The following ZBP1 variants were observed in gnomAD, a reference collection of about 807,000 sequenced individuals.
ZBP1 encodes the protein Z-DNA-binding protein 1.
ZBP1 carries 42 observed loss-of-function variants against 41.1 expected under a neutral mutation model. That is an observed-to-expected ratio of 1.02 (90% CI 0.80 to 1.32). The LOEUF (loss-of-function observed/expected upper bound fraction) is 1.32. ZBP1 is among the 40% of genes most tolerant of loss of function. The pLI is 0.00. For synonymous variants in ZBP1, 214 were observed against 205.2 expected (o/e 1.04, Z -0.37); for missense variants, 562 against 549.7 (o/e 1.02, Z -0.22).
In ZBP1 at chr20:57,611,822, A is replaced by G. The variant is rs1350845294; in HGVS notation, c.779T>C (p.Ile260Thr). ...GPQDIHMEQS[I>T]LRRVQLGHSN... is the part of the protein sequence containing the mutation. ...GTGTCCCAGCTGCACCCGTCTCAGTATGGACTGCTCCATGTGGATGTCCTG... is the reference window on the plus strand; with the variant it reads ...GTGTCCCAGCTGCACCCGTCTCAGTGTGGACTGCTCCATGTGGATGTCCTG... Residue 260 changes from isoleucine (I) to threonine (T), a missense_variant, in exon 6 of 8, where the codon ATA becomes ACA. Transcript: ENST00000371173. 1 of 1,610,306 alleles carries G rather than the reference A, an allele frequency of 6.2e-7. No homozygotes were observed. Among genetic ancestry groups the G allele is most frequent in the African/African-American group, 1.3e-5 (1 of 74,876 alleles).
intron 3 of ZBP1, 118 bp downstream of exon 3, chr20:57,615,394 G>C (rs1326014068): frequency 1.8e-6 from 2 of 1,093,420 alleles, no homozygotes; most frequent in Non-Finnish European, 1.4e-6. Context: ...GGAGCTGCCT[G>C]GTGGGTGGGA....
In ZBP1 at chr20:57,610,151, G is replaced by A; in HGVS notation, c.1091C>T (p.Ala364Val). Residue 364 changes from alanine to valine, a missense_variant and splice_region_variant, in exon 7 of 8, where the codon GCA becomes GTA. Coordinates refer to ENST00000371173, the MANE Select transcript of ZBP1 (RefSeq NM_030776.3). This position sits in a 1 kb window ranked among gnomAD's most constrained non-coding sequence, Gnocchi z 5.5. ...GSGEGEPGED[A>V]GRRPADTQSR... Reference sequence around the variant, plus strand: ...GTCCACTCTGCCCCCTAGCTCACCTGCGTCCTCCCCTGGCTCCCCCTCTCC... The same window carrying A: ...GTCCACTCTGCCCCCTAGCTCACCTACGTCCTCCCCTGGCTCCCCCTCTCC... 1.2e-6 allele frequency: 2 copies of A among 1,613,410 alleles called. No homozygotes were observed. The highest frequency in any genetic ancestry group is 1.7e-6 in the Non-Finnish European group (2 of 1,179,802).
chr20:57,606,933 AC>A (rs2070512566), intron 7 of ZBP1: 3 of 1,145,498 alleles, frequency 2.6e-6, no homozygotes, highest in Non-Finnish European at 3.3e-6. Context: ...CTACTCGTTG[AC>A]AATGCACCTG....
chr20:57,610,467 A>G lies in ZBP1; in HGVS notation c.875-100T>C. 1 of 1,286,120 alleles carries G rather than the reference A, an allele frequency of 7.8e-7. No homozygotes were observed. The highest frequency in any genetic ancestry group is 1.1e-6 in the Non-Finnish European group (1 of 906,714). 79.7% of individuals were successfully genotyped at this position (1,286,120 alleles called of 1,614,324 possible). A position where few individuals can be genotyped will look rare whatever the true frequency, so the allele number is the denominator to read the frequency against. On this transcript the variant is annotated intron_variant, in intron 6 of 7. Transcript: ENST00000371173. This position sits in a 1 kb window ranked among gnomAD's most constrained non-coding sequence, Gnocchi z 5.5. Reference sequence around the variant, plus strand: ...GTTCACCCTCCTCCCCAGATCTCCCACCAGTGGCCCACACCATCCCAGGAG... The same window carrying G: ...GTTCACCCTCCTCCCCAGATCTCCCGCCAGTGGCCCACACCATCCCAGGAG...
At chr20:57,620,202 A>G (rs931325698) in intron 1 of ZBP1, 60 bp downstream of exon 1, 3 of 1,537,976 alleles carry the variant, frequency 2.0e-6, no homozygotes, top group Non-Finnish European at 2.6e-6. Context: ...AGGAGGAAAG[A>G]GAAGTAGAAA....
intron 7 of ZBP1, among the ~76,000 whole-genome samples, chr20:57,609,734 C>T (rs1330765274): frequency 2.0e-5 from 3 of 152,130 alleles, no homozygotes; most frequent in African/African-American, 4.8e-5. Context: ...ACCTTATTTG[C>T]ATGGCAACCC....
intron 7 of ZBP1, among the ~76,000 whole-genome samples, chr20:57,609,725 C>A (rs1340217459): frequency 6.6e-6 from 1 of 152,120 alleles, no homozygotes. Context: ...TGATGCAGAA[C>A]CTTATTTGCA....
intron 3 of ZBP1, 44 bp from the exon 4 acceptor site, chr20:57,615,104 T>C: frequency 1.9e-6 from 3 of 1,604,432 alleles, no homozygotes; most frequent in Non-Finnish European, 2.6e-6. Context: ...AGTCCTAGGG[T>C]TTGCATCTGC....
chr20:57,610,797 T>C lies in ZBP1; in HGVS notation c.875-430A>G. 3.8e-6 allele frequency: 1 copy of C among 260,576 alleles called. No individual in the cohort carries two copies. The highest frequency in any genetic ancestry group is 4.4e-5 in the South Asian group (1 of 22,658). 16.1% of individuals were successfully genotyped at this position (260,576 alleles called of 1,614,324 possible). ...TCCCACCCAAACTTCTGAAGAATCA[T>C]CCACACTGAGTCCCGCCCCCTCCAC... On this transcript the variant is annotated intron_variant, in intron 6 of 7. Coordinates refer to ENST00000371173, the MANE Select transcript of ZBP1 (RefSeq NM_030776.3). The surrounding 1 kb of genome is among the most constrained non-coding windows in gnomAD (Gnocchi z 5.5).
In ZBP1 at chr20:57,610,090, G is replaced by A. The variant is rs1479037222; in HGVS notation, c.1093+59C>T. 1.3e-6 allele frequency: 2 copies of A among 1,509,704 alleles called. No individual in the cohort carries two copies. Among genetic ancestry groups the A allele is most frequent in the Non-Finnish European group, 1.8e-6 (2 of 1,090,992 alleles). 93.5% of individuals were successfully genotyped at this position (1,509,704 alleles called of 1,614,324 possible). A position where few individuals can be genotyped will look rare whatever the true frequency, so the allele number is the denominator to read the frequency against. ...GATCGATGAGAGTGAATGAATGAAT[G>A]AGTGGAAGGTGGGGAGAGAGAGAGA... On this transcript the variant is annotated intron_variant, in intron 7 of 7. Coordinates refer to ENST00000371173, the MANE Select transcript of ZBP1 (RefSeq NM_030776.3). The surrounding 1 kb of genome is among the most constrained non-coding windows in gnomAD (Gnocchi z 5.5).
chr20:57,616,593 G>C (rs2070839593), intron 1 of ZBP1, 125 bp from the exon 2 acceptor site: 1 of 935,416 alleles, frequency 1.1e-6, no homozygotes, highest in Admixed American at 2.4e-5. Context: ...GCAGAGGAAA[G>C]GGCAAGGACC....
intron 5 of ZBP1, 70 bp from the exon 6 acceptor site, chr20:57,612,000 C>G (rs978156206): frequency 1.4e-6 from 2 of 1,471,294 alleles, no homozygotes; most frequent in East Asian, 2.5e-5. Context: ...CACCACCACA[C>G]GCAGGCCTGT....
intron 1 of ZBP1, 81 bp from the exon 2 acceptor site, chr20:57,616,549 A>AG (rs1255131828): frequency 6.8e-7 from 1 of 1,467,718 alleles, no homozygotes; most frequent in East Asian, 2.3e-5. Context: ...AGGCTCCAGG[A>AG]GGCACGTAGG....
Position 57,616,262 on chromosome 20 carries a change from G to A in ZBP1, c.241C>T (p.Leu81=), listed in dbSNP as rs1192393038. 2 of 1,613,956 alleles carry A rather than the reference G, an allele frequency of 1.2e-6. No homozygotes were observed. The highest frequency in any genetic ancestry group is 1.7e-6 in the Non-Finnish European group (2 of 1,180,006). Residue 81 remains leucine (L), a synonymous_variant, in exon 2 of 8, where the codon CTG becomes TTG. Transcript: ENST00000371173. ...TDPEGEGPAE[L]ALSSPAERPQ... is the part of the protein sequence containing the mutation. ...CAGTTACCAGGGCTGGACAAGGCCA[G>A]CTCTGCAGGACCCTCGCCTTCAGGA... is the stretch of plus-strand genomic sequence containing the variant.
intron 7 of ZBP1, chr20:57,607,242 G>A: frequency 7.7e-7 from 1 of 1,303,712 alleles, no homozygotes; most frequent in Non-Finnish European, 1.0e-6. Context: ...TCTGGAAGAA[G>A]TTGATTCCAA....
In ZBP1 at chr20:57,604,410, C is replaced by T. The variant is rs2070444906; in HGVS notation, c.*163G>A. The T allele has an allele frequency of 3.4e-6, 3 of 875,894 alleles. No homozygotes were observed. In the Admixed American group the frequency reaches 5.7e-5, roughly 17 times the overall value. 54.3% of individuals were successfully genotyped at this position (875,894 alleles called of 1,614,324 possible). ...GGCCATCAAAAGACCTGGCCTGAAC[C>T]CATCCCCATGCCAGGTCCATTCCCC... is the stretch of plus-strand genomic sequence containing the variant. On this transcript the variant is annotated 3_prime_UTR_variant, in exon 8 of 8. Coordinates refer to ENST00000371173, the MANE Select transcript of ZBP1 (RefSeq NM_030776.3).
Position 57,613,153 on chromosome 20 carries a change from G to A in ZBP1, c.670+10C>T. On this transcript the variant is annotated intron_variant, in intron 5 of 7. Transcript: ENST00000371173. This position sits in a 1 kb window ranked among gnomAD's most constrained non-coding sequence, Gnocchi z 4.5. ...GAGGTCCCCTCCCTGGGCTCTCTTG[G>A]GTGACTTACCGTCCTCCCTGGAGAC... The A allele has an allele frequency of 6.2e-7, 1 of 1,614,160 alleles. No homozygotes were observed. The highest frequency in any genetic ancestry group is 8.5e-7 in the Non-Finnish European group (1 of 1,180,020).
At chr20:57,607,228 G>C in intron 7 of ZBP1, 6 of 1,303,888 alleles carry the variant, frequency 4.6e-6, no homozygotes, top group Non-Finnish European at 6.1e-6. Context: ...AACATTCACA[G>C]GAGTCTGGAA....
chr20:57,615,449 C>T, intron 3 of ZBP1, 63 bp downstream of exon 3: 2 of 1,556,314 alleles, frequency 1.3e-6, no homozygotes, highest in Non-Finnish European at 1.8e-6. Flanking sequence ...TCAAGGAGGG[C>T]CTGGGGTTCC....
Sources: gnomAD v4.1 joint callset for allele counts (sites outside exome capture counted in the v4.1 genomes callset) on GRCh38, gnomAD v4.1.1 for gene constraint, Gnocchi (gnomAD v3.1) non-coding constraint, MANE v1.5 for transcripts, NCBI Gene and HGNC (gene_info 2026-07-23, HGNC 2026-07-21) for gene names.